Variants in NRK observed in about 807,000 individuals in gnomAD.
NRK encodes Nik related kinase.
NRK carries 67 observed loss-of-function variants against 125.2 expected under a neutral mutation model. The ratio of observed to expected loss-of-function variants is 0.54; its 90% confidence interval spans 0.44 to 0.66. The LOEUF (loss-of-function observed/expected upper bound fraction) is 0.66, where lower values mean the gene tolerates loss of function less well. Ranked by LOEUF, NRK falls within the 30% of genes least tolerant of loss-of-function variation. NRK has a pLI of 0.00. For missense variants in NRK, 1,224 were observed against 1,192.9 expected, an observed-to-expected ratio of 1.03 and a Z score of -0.38; for synonymous variants, 458 against 429.0, an observed-to-expected ratio of 1.07 and a Z score of -0.84.
chrX:105,952,857 A>G (rs1014588780), intron 27 of NRK, among the ~76,000 whole-genome samples, 177 bp from the exon 28 acceptor site: 1 of 112,067 alleles, frequency 8.9e-6, no homozygotes, highest in South Asian at 3.7e-4. Context: ...CAGTTTGAAC[A>G]CCACTCTTGA....
At chrX:105,948,527 T>C in intron 26 of NRK, 1 of 406,571 alleles carries the variant, frequency 2.5e-6, no homozygotes, top group Non-Finnish European at 4.2e-6. Context: ...TCTGAGGCTG[T>C]ATGGATTTGC....
At chrX:105,891,539 A>G (rs1227993162) in intron 5 of NRK, among the ~76,000 whole-genome samples, 6 of 111,776 alleles carry the variant, frequency 5.4e-5, no homozygotes, top group Non-Finnish European at 7.5e-5. Context: ...ACTTCAGAAA[A>G]TAGGACAGTG....
In NRK at chrX:105,924,733, G is replaced by T. The variant is rs775174026; in HGVS notation, c.3014G>T (p.Gly1005Val). 8.3e-7 allele frequency: 1 copy of T among 1,202,013 alleles called. No individual in the cohort carries two copies. Among genetic ancestry groups the T allele is most frequent in the East Asian group, 3.0e-5 (1 of 33,371 alleles). The stretch of plus-strand genomic sequence containing the variant: ...AGAGATGGAAGCTGCAAGCAAGATG[G>T]TTATGATGGAAGTCGTGGAAAAGAG... Reference protein sequence around the residue: ...YGRDGSCKQDGYDGSRGKEEA... With the variant: ...YGRDGSCKQDVYDGSRGKEEA... The change falls in exon 19 of 29, where the codon GGT becomes GTT. Residue 1005 changes from glycine to valine, a missense_variant. Coordinates refer to ENST00000243300, the MANE Select transcript of NRK (RefSeq NM_198465.4).
chrX:105,945,001 A>G (rs746074801), intron 24 of NRK, among the ~76,000 whole-genome samples: 1 of 112,315 alleles, frequency 8.9e-6, no homozygotes, highest in Admixed American at 9.4e-5. Flanking sequence ...ATAATGCTCC[A>G]GAATTCTACT....
At chrX:105,853,452 G>A (rs868749528) in intron 2 of NRK, among the ~76,000 whole-genome samples, 1 of 112,036 alleles carries the variant, frequency 8.9e-6, no homozygotes, top group South Asian at 3.7e-4. Context: ...GTTTTCATTG[G>A]AGTTTCAAGG....
intron 2 of NRK, among the ~76,000 whole-genome samples, chrX:105,843,130 G>T (rs1316247704): frequency 9.0e-6 from 1 of 111,523 alleles, no homozygotes; most frequent in Non-Finnish European, 1.9e-5. Context: ...AGGCAGCAGG[G>T]CATAAGGGAT....
rs763413833 is a variant in NRK, at chrX:105,915,721, G to A, written c.2350-9G>A. On this transcript the variant is annotated splice_polypyrimidine_tract_variant and intron_variant, in intron 14 of 28. Transcript: ENST00000243300. ...GAATTCTACTGAAGTATTGCATTGT[G>A]TCTTTAAGGTTCAAGAGAGATCTCC... 9.5e-6 allele frequency: 10 copies of A among 1,057,972 alleles called. No homozygotes were observed. The highest frequency in any genetic ancestry group is 6.8e-5 in the Admixed American group (3 of 43,939). The allele number at this position is 1,057,972 out of a possible 1,213,427, so 87.2% of individuals were successfully genotyped here. A position where few individuals can be genotyped will look rare whatever the true frequency, so the allele number is the denominator to read the frequency against.
At chrX:105,829,251 T>C (rs183222034) in intron 1 of NRK, among the ~76,000 whole-genome samples, 5 of 112,399 alleles carry the variant, frequency 4.4e-5, no homozygotes, top group African/African-American at 1.6e-4. Context: ...CCCAAAGCTG[T>C]GTCATTTTCC....
At chrX:105,937,920 T>A (rs1273706997) in intron 22 of NRK, among the ~76,000 whole-genome samples, 1 of 111,586 alleles carries the variant, frequency 9.0e-6, no homozygotes, top group Non-Finnish European at 1.9e-5. Flanking sequence ...GTCCCGTTCT[T>A]GTGAGGTGTT....
At chrX:105,912,529 A>C in intron 13 of NRK, 119 bp from the exon 14 acceptor site, 1 of 214,959 alleles carries the variant, frequency 4.7e-6, no homozygotes. Flanking sequence ...ATTGTGTATT[A>C]TTTTAAATTA....
intron 2 of NRK, among the ~76,000 whole-genome samples, chrX:105,834,981 G>T (rs1419073483): frequency 9.0e-6 from 1 of 111,395 alleles, no homozygotes; most frequent in Non-Finnish European, 1.9e-5. Context: ...TAAATTCTCT[G>T]TCTGATGGAT....
At chrX:105,918,155 T>C (rs1471927031) in intron 16 of NRK, among the ~76,000 whole-genome samples, 1 of 111,789 alleles carries the variant, frequency 8.9e-6, no homozygotes, top group African/African-American at 3.2e-5. Flanking sequence ...TTACTCAAAA[T>C]ACATGAACAA....
rs745758766 is a variant in NRK, at chrX:105,946,361, T to C, written c.4250T>C (p.Ile1417Thr). Reference protein sequence around the residue: ...DHKPVTVDLAIGSEKRLKIFF... With the variant: ...DHKPVTVDLATGSEKRLKIFF... ...AAGCCAGTGACAGTTGACCTGGCTA[T>C]TGGTTCTGAAAAAAGACTAAAGATT... Residue 1417 changes from isoleucine to threonine, a missense_variant, in exon 26 of 29, where the codon ATT becomes ACT. Transcript: ENST00000243300. The C allele has an allele frequency of 1.2e-5, 14 of 1,198,250 alleles. No individual in the cohort carries two copies. The African/African-American group carries it at 2.3e-4, about 20-fold the overall frequency.
rs373897010 is a variant in NRK, at chrX:105,921,044, C to T, written c.2513-920C>T. Reference sequence around the variant, plus strand: ...GACACATGCACACGTATGTTTATTGCGGCATTATTCACAATAGCAAAGACT... The same window carrying T: ...GACACATGCACACGTATGTTTATTGTGGCATTATTCACAATAGCAAAGACT... On this transcript the variant is annotated intron_variant, in intron 16 of 28. Transcript: ENST00000243300. Among the ~76,000 whole-genome samples the T allele has an allele frequency of 8.1e-4, 74 of 91,402 alleles. No individual in the cohort carries two copies. In the East Asian group the frequency reaches 9.9e-3, roughly 12 times the overall value. The allele number at this position is 91,402 out of a possible 115,157, so 79.4% of individuals were successfully genotyped here.
Position 105,908,828 on chromosome X carries a change from C to G in NRK, c.1187C>G (p.Pro396Arg). 1 of 1,210,313 alleles carries G rather than the reference C, an allele frequency of 8.3e-7. No homozygotes were observed. The highest frequency in any genetic ancestry group is 1.8e-5 in the South Asian group (1 of 56,961). The change falls in exon 13 of 29, where the codon CCT becomes CGT. Residue 396 changes from proline to arginine, a missense_variant. Physicochemically the swap from Pro to Arg is moderately radical, Grantham distance 103. Coordinates refer to ENST00000243300, the MANE Select transcript of NRK (RefSeq NM_198465.4). ...HGEPSQPRWL[P>R]DREEPQVQAL... is the part of the protein sequence containing the mutation. ...GAACCCTCTCAGCCAAGGTGGCTAC[C>G]TGATCGAGAAGAGCCACAGGTCCAG... is the stretch of plus-strand genomic sequence containing the variant.
rs1218145194 is a variant in NRK, at chrX:105,948,639, C to T, written c.4354-936C>T. On this transcript the variant is annotated intron_variant, in intron 26 of 28. Coordinates refer to ENST00000243300, the MANE Select transcript of NRK (RefSeq NM_198465.4). ...ATCTTTTTTTTCTGATTCAATTGCT[C>T]ATGCAAGTGCCCAGGGAACGCATTA... The T allele has an allele frequency of 8.0e-6, 4 of 498,271 alleles. No homozygotes were observed. In the Admixed American group the frequency reaches 1.1e-4, roughly 14 times the overall value. The allele number at this position is 498,271 out of a possible 1,213,427, so 41.1% of individuals were successfully genotyped here.
chrX:105,954,744 G>A (rs896257751), intron 28 of NRK, among the ~76,000 whole-genome samples: 1 of 110,944 alleles, frequency 9.0e-6, no homozygotes, highest in African/African-American at 3.3e-5. Flanking sequence ...TGATATTTAT[G>A]TGCATATTTT....
intron 2 of NRK, among the ~76,000 whole-genome samples, chrX:105,851,839 C>T (rs763400470): frequency 9.0e-6 from 1 of 111,220 alleles, no homozygotes; most frequent in African/African-American, 3.3e-5. Context: ...TTCTCTCTTA[C>T]AGGATCAAGT....
chrX:105,924,226 C>T (rs913758306), intron 18 of NRK, among the ~76,000 whole-genome samples: 38 of 109,820 alleles, frequency 3.5e-4, no homozygotes, highest in African/African-American at 1.2e-3. Context: ...TATAGCAAAG[C>T]AGTCAGTACA....
Sources: allele counts gnomAD v4.1 joint callset (sites outside exome capture counted in the v4.1 genomes callset), GRCh38; gene constraint gnomAD v4.1.1; transcripts MANE v1.5; gene names NCBI Gene and HGNC (gene_info 2026-07-23, HGNC 2026-07-21).